Variants in TENM2 observed in about 807,000 individuals in gnomAD.
TENM2 encodes the protein teneurin-2.
Under a neutral mutation model 245.2 loss-of-function variants are expected in TENM2, and 52 were observed. That is an observed-to-expected ratio of 0.21 (90% CI 0.17 to 0.27). The LOEUF (loss-of-function observed/expected upper bound fraction) is 0.27. Ranked by LOEUF, TENM2 falls within the 10% of genes least tolerant of loss-of-function variation. TENM2 has a pLI of 1.00. For synonymous variants in TENM2, 1,363 were observed against 1,438.9 expected (o/e 0.95, Z 1.19); for missense variants, 3,046 against 3,666.8 (o/e 0.83, Z 4.37).
chr5:168,226,337 A>G (rs1238374895), intron 24 of TENM2, 74 bp downstream of exon 26: 2 of 1,431,016 alleles, frequency 1.4e-6, no homozygotes, highest in Non-Finnish European at 9.6e-7. Flanking sequence ...CCAACATGTG[A>G]GTTATGCAGC....
intron 2 of TENM2, among the ~76,000 whole-genome samples, chr5:167,439,579 G>A (rs1486555522): frequency 6.6e-6 from 1 of 152,110 alleles, no homozygotes; most frequent in Non-Finnish European, 1.5e-5. Context: ...GATATATGCA[G>A]TGTATTATTA....
intron 27 of TENM2, among the ~76,000 whole-genome samples, chr5:168,258,364 G>A (rs1338265724): frequency 1.3e-5 from 2 of 152,074 alleles, no homozygotes; most frequent in African/African-American, 4.8e-5. Flanking sequence ...AGCCGGGTGT[G>A]GTGGCATGCA....
chr5:168,004,517 G>GCGCACA (rs898616203), intron 5 of TENM2, among the ~76,000 whole-genome samples: 3,490 of 132,076 alleles, frequency 0.026, 78 homozygotes, highest in East Asian at 0.073. Flanking sequence ...GCGCGCGCGC[G>GCGCACA]CACACACACA....
the TENM2 span, among the ~76,000 whole-genome samples, chr5:167,261,714 T>A: frequency 6.6e-6 from 1 of 152,208 alleles, no homozygotes; most frequent in Non-Finnish European, 1.5e-5. Context: ...CCTCTTTGAT[T>A]AACCTTCCCC....
intron 12 of TENM2, among the ~76,000 whole-genome samples, chr5:168,147,395 G>T (rs1397294370): frequency 6.6e-6 from 1 of 152,144 alleles, no homozygotes; most frequent in Non-Finnish European, 1.5e-5. Context: ...CGTTTAATTT[G>T]CTTCACACCA....
chr5:167,779,337 G>A lies in TENM2; in HGVS notation c.503-96649G>A, dbSNP rs1048586152. Among the ~76,000 whole-genome samples the A allele has an allele frequency of 6.6e-5, 10 of 152,304 alleles. No individual in the cohort carries two copies. In the East Asian group the frequency reaches 1.5e-3, roughly 24 times the overall value. On this transcript the variant is annotated intron_variant, in intron 2 of 28. Transcript: ENST00000518659. ...CATTGACAAAAAGTCTTTAGCGACT[G>A]CAACCAAGAAGCAACCAAACAACAG...
At chr5:167,016,576 G>A in the TENM2 span, among the ~76,000 whole-genome samples, 1 of 152,154 alleles carries the variant, frequency 6.6e-6, no homozygotes, top group African/African-American at 2.4e-5. Flanking sequence ...TAAAGAAAAT[G>A]TGATATCTAC....
the TENM2 span, among the ~76,000 whole-genome samples, chr5:167,108,627 A>G: frequency 6.6e-6 from 1 of 152,192 alleles, no homozygotes; most frequent in Non-Finnish European, 1.5e-5. Flanking sequence ...TTAGTCAGAG[A>G]TGAAGTTCTT....
At chr5:167,301,407 T>C (rs1279542713) in intron 1 of TENM2, among the ~76,000 whole-genome samples, 1 of 152,136 alleles carries the variant, frequency 6.6e-6, no homozygotes, top group Non-Finnish European at 1.5e-5. Context: ...GGTTTAGGCA[T>C]TTGGAAGTTC....
the TENM2 span, among the ~76,000 whole-genome samples, chr5:167,180,987 G>A: frequency 2.0e-5 from 3 of 151,728 alleles, no homozygotes; most frequent in Non-Finnish European, 1.5e-5. Flanking sequence ...CAATCCACAT[G>A]TAATGGGACC....
intron 2 of TENM2, among the ~76,000 whole-genome samples, chr5:167,552,264 TC>T (rs1279128693): frequency 1.3e-5 from 2 of 152,154 alleles, no homozygotes; most frequent in Non-Finnish European, 2.9e-5. Context: ...ATAAATATAC[TC>T]AGGTGCACGT....
intron 2 of TENM2, among the ~76,000 whole-genome samples, chr5:167,655,200 G>C (rs974647050): frequency 3.3e-5 from 5 of 152,056 alleles, no homozygotes; most frequent in African/African-American, 1.2e-4. Flanking sequence ...AGGTTCAAAA[G>C]AAAAACACTA....
At chr5:167,028,578 A>C in the TENM2 span, among the ~76,000 whole-genome samples, 1 of 152,060 alleles carries the variant, frequency 6.6e-6, no homozygotes, top group East Asian at 1.9e-4. Context: ...TTTAGGTGGG[A>C]GTATGTTTTT....
intron 5 of TENM2, among the ~76,000 whole-genome samples, chr5:168,000,604 T>A (rs1437351611): frequency 6.6e-6 from 1 of 152,200 alleles, no homozygotes; most frequent in East Asian, 1.9e-4. Context: ...TGTCATCAAT[T>A]ATGAGAAATG....
chr5:167,629,008 A>T (rs1778695039), intron 2 of TENM2, among the ~76,000 whole-genome samples: 1 of 152,212 alleles, frequency 6.6e-6, no homozygotes, highest in African/African-American at 2.4e-5. Context: ...ATCATAATTT[A>T]TTAAGTGCTT....
intron 15 of TENM2, among the ~76,000 whole-genome samples, chr5:168,197,541 A>G (rs1761548434): frequency 1.3e-5 from 2 of 152,128 alleles, no homozygotes; most frequent in South Asian, 4.1e-4. Context: ...TCTACTAAAA[A>G]TACAAAAAGT....
At chr5:167,796,412 C>T (rs545380430) in intron 2 of TENM2, among the ~76,000 whole-genome samples, 6 of 152,250 alleles carry the variant, frequency 3.9e-5, no homozygotes, top group Non-Finnish European at 5.9e-5. Flanking sequence ...TTCTGCAAAT[C>T]GCTGTGGGTC....
intron 2 of TENM2, among the ~76,000 whole-genome samples, chr5:167,549,699 G>C (rs1320013082): frequency 4.6e-5 from 7 of 151,956 alleles, no homozygotes; most frequent in African/African-American, 7.3e-5. Flanking sequence ...TACCACCATG[G>C]GGATGGAGGT....
chr5:167,528,270 T>C (rs1472647936), intron 2 of TENM2, among the ~76,000 whole-genome samples: 1 of 152,072 alleles, frequency 6.6e-6, no homozygotes, highest in Non-Finnish European at 1.5e-5. Flanking sequence ...CATTTGGAAG[T>C]CAAAATGGAC....
Sources: gnomAD v4.1 joint callset for allele counts (sites outside exome capture counted in the v4.1 genomes callset) on GRCh38, gnomAD v4.1.1 for gene constraint, MANE v1.5 for transcripts, NCBI Gene and HGNC (gene_info 2026-07-23, HGNC 2026-07-21) for gene names.